Variants in TMEM263 observed in about 807,000 individuals in gnomAD.
TMEM263 encodes UPF0444 transmembrane protein C12orf23.
A neutral mutation model predicts 8.6 loss-of-function variants in TMEM263; 5 were observed. The ratio of observed to expected loss-of-function variants is 0.58; its 90% CI spans 0.31 to 1.23. The LOEUF (loss-of-function observed/expected upper bound fraction) is 1.23, where lower values mean the gene tolerates loss of function less well. TMEM263 is among the 50% of genes most tolerant of loss of function. The pLI, the probability that TMEM263 is intolerant of heterozygous loss-of-function variation, is 0.07. For synonymous variants in TMEM263, 50 were observed against 47.9 expected (o/e 1.04, Z -0.18); for missense variants, 104 against 138.8 (o/e 0.75, Z 1.26).
intron 3 of TMEM263, among the ~76,000 whole-genome samples, chr12:106,968,599 G>T (rs929718960): frequency 1.3e-5 from 2 of 152,184 alleles, no homozygotes; most frequent in Non-Finnish European, 2.9e-5. Flanking sequence ...TGTCAAGGAA[G>T]AGAACAAAGC....
At position 106,962,312 on chromosome 12, in the gene TMEM263, T is replaced by C. The variant is rs1051875768; in HGVS notation, c.-6-4799T>C. ...TTTTAAAAAATTGGGCATGATGATATATGCCTTTTACAGTCTCTAAATATA... is the reference window on the plus strand; with the variant it reads ...TTTTAAAAAATTGGGCATGATGATACATGCCTTTTACAGTCTCTAAATATA... On this transcript the variant is annotated intron_variant, in intron 2 of 3. Coordinates refer to ENST00000280756, the MANE Select transcript of TMEM263 (RefSeq NM_152261.4). 7.9e-5 allele frequency among the ~76,000 whole-genome samples: 12 copies of C among 152,186 alleles called. 1 individual carries two copies. Among genetic ancestry groups the C allele is most frequent in the African/African-American group, 2.9e-4 (12 of 41,432 alleles).
intron 1 of TMEM263, among the ~76,000 whole-genome samples, chr12:106,956,558 C>A (rs1045630366): frequency 6.6e-6 from 1 of 152,180 alleles, no homozygotes; most frequent in African/African-American, 2.4e-5. Flanking sequence ...TATCTCCACG[C>A]CTAACCTAAA....
At chr12:106,969,049 C>T (rs980446708) in intron 3 of TMEM263, among the ~76,000 whole-genome samples, 2 of 152,102 alleles carry the variant, frequency 1.3e-5, no homozygotes, top group Non-Finnish European at 2.9e-5. Flanking sequence ...AAGTTTATAG[C>T]TATTGCTGTA....
chr12:106,963,303 AG>A (rs1480564501), intron 2 of TMEM263, among the ~76,000 whole-genome samples: 2 of 152,224 alleles, frequency 1.3e-5, no homozygotes, highest in Admixed American at 1.3e-4. Flanking sequence ...AGAAGAACAA[AG>A]GTGGAAGCTC....
chr12:106,969,452 C>T (rs142171250), intron 3 of TMEM263, among the ~76,000 whole-genome samples: 2 of 152,214 alleles, frequency 1.3e-5, no homozygotes, highest in East Asian at 3.9e-4. Flanking sequence ...CTAGGCCGGG[C>T]GCAGTGGCTC....
intron 2 of TMEM263, among the ~76,000 whole-genome samples, chr12:106,957,526 T>G (rs1951716578): frequency 6.6e-6 from 1 of 152,190 alleles, no homozygotes; most frequent in South Asian, 2.1e-4. Context: ...CTTTTTCTAT[T>G]TCCGGAAGAT....
rs1011134047 is a variant in TMEM263 at position 106,965,052 on chromosome 12, A to G, written c.-6-2059A>G. Among the ~76,000 whole-genome samples the G allele has an allele frequency of 5.3e-5, 8 of 151,872 alleles. No individual in the cohort carries two copies. In the East Asian group the frequency reaches 1.4e-3, roughly 26 times the overall value. On this transcript the variant is annotated intron_variant, in intron 2 of 3. Transcript: ENST00000280756. ...CTCACTCAGTTAAAAGCCACTCTCC[A>G]TCATCACCTTCAAGGGCCTATGTTG...
At chr12:106,969,873 AT>A (rs2136776797) in intron 3 of TMEM263, among the ~76,000 whole-genome samples, 1 of 151,222 alleles carries the variant, frequency 6.6e-6, no homozygotes, top group East Asian at 1.9e-4. Context: ...ATGTGGCTCT[AT>A]TTAAAAAAAA....
chr12:106,970,184 C>A (rs1241766006), intron 3 of TMEM263, among the ~76,000 whole-genome samples: 1 of 151,946 alleles, frequency 6.6e-6, no homozygotes, highest in African/African-American at 2.4e-5. Flanking sequence ...GAGCAGAGAC[C>A]CAAATGTATT....
At chr12:106,965,561 G>A (rs902041703) in intron 2 of TMEM263, among the ~76,000 whole-genome samples, 6 of 149,196 alleles carry the variant, frequency 4.0e-5, no homozygotes, top group South Asian at 4.2e-4. Context: ...AGCTGAGATC[G>A]CACCACTGCA....
rs577785747 is a variant in TMEM263 at position 106,962,333 on chromosome 12, A to G, written c.-6-4778A>G. ...GATATATGCCTTTTACAGTCTCTAA[A>G]TATAGCATTAGCATATTTCTGTAGT... On this transcript the variant is annotated intron_variant, in intron 2 of 3. Transcript: ENST00000280756. Among the ~76,000 whole-genome samples the G allele has an allele frequency of 9.8e-5, 15 of 152,348 alleles. No individual in the cohort carries two copies. The East Asian group carries it at 2.9e-3, about 29-fold the overall frequency.
chr12:106,966,977 A>G (rs537969723), intron 2 of TMEM263, 134 bp from the exon 3 acceptor site: 1 of 614,794 alleles, frequency 1.6e-6, no homozygotes, highest in African/African-American at 1.9e-5. Flanking sequence ...AAACAAGATG[A>G]AGACTAGTTG....
chr12:106,971,098 T>C lies in TMEM263; in HGVS notation c.65-7T>C, dbSNP rs1157300465. 1 of 1,613,070 alleles carries C rather than the reference T, an allele frequency of 6.2e-7. No individual in the cohort carries two copies. Among genetic ancestry groups the C allele is most frequent in the Non-Finnish European group, 8.5e-7 (1 of 1,179,396 alleles). On this transcript the variant is annotated splice_region_variant and splice_polypyrimidine_tract_variant and intron_variant, in intron 3 of 3. Transcript: ENST00000280756. ...TTTGATTGTCTCATGATATTTTCTC[T>C]CATTAGGTTCAATGAAAGATCACCC... is the stretch of plus-strand genomic sequence containing the variant.
At chr12:106,970,313 A>G (rs1320258428) in intron 3 of TMEM263, among the ~76,000 whole-genome samples, 1 of 152,186 alleles carries the variant, frequency 6.6e-6, no homozygotes, top group African/African-American at 2.4e-5. Flanking sequence ...AAAACTGAGA[A>G]ATTTGAATAT....
chr12:106,971,475 T>A lies in TMEM263; in HGVS notation c.*84T>A. The A allele has an allele frequency of 1.4e-6, 2 of 1,383,154 alleles. No individual in the cohort carries two copies. Among genetic ancestry groups the A allele is most frequent in the Non-Finnish European group, 1.9e-6 (2 of 1,025,898 alleles). 85.7% of individuals were successfully genotyped at this position (1,383,154 alleles called of 1,614,324 possible). Reference sequence around the variant, plus strand: ...AATTATGGACTACAACCAAGTCAACTGTTTTGGACGTTTATCTTCTAAACT... The same window carrying A: ...AATTATGGACTACAACCAAGTCAACAGTTTTGGACGTTTATCTTCTAAACT... On this transcript the variant is annotated 3_prime_UTR_variant, in exon 4 of 4. Coordinates refer to ENST00000280756, the MANE Select transcript of TMEM263 (RefSeq NM_152261.4).
At chr12:106,968,729 CTTGA>C (rs1370916972) in intron 3 of TMEM263, among the ~76,000 whole-genome samples, 1 of 152,136 alleles carries the variant, frequency 6.6e-6, no homozygotes, top group African/African-American at 2.4e-5. Context: ...ATTTATCTGA[CTTGA>C]TTAAGAACAA....
At chr12:106,969,590 G>T (rs1014446942) in intron 3 of TMEM263, among the ~76,000 whole-genome samples, 1 of 151,966 alleles carries the variant, frequency 6.6e-6, no homozygotes, top group Non-Finnish European at 1.5e-5. Flanking sequence ...GCCGGGTGTG[G>T]TGGTGGGCAC....
At chr12:106,960,887 A>G (rs1951764073) in intron 2 of TMEM263, among the ~76,000 whole-genome samples, 2 of 152,226 alleles carry the variant, frequency 1.3e-5, no homozygotes, top group African/African-American at 4.8e-5. Flanking sequence ...TTAAAAAGGT[A>G]CATTTGGAAA....
chr12:106,960,960 G>T (rs1284494492), intron 2 of TMEM263, among the ~76,000 whole-genome samples: 2 of 152,004 alleles, frequency 1.3e-5, no homozygotes, highest in Non-Finnish European at 2.9e-5. Flanking sequence ...ATATTGGTAG[G>T]TATTTCTTCT....
Sources: gnomAD v4.1 joint callset for allele counts (sites outside exome capture counted in the v4.1 genomes callset) on GRCh38, gnomAD v4.1.1 for gene constraint, MANE v1.5 for transcripts, NCBI Gene and HGNC (gene_info 2026-07-23, HGNC 2026-07-21) for gene names.